IQGAP2: variants seen among roughly 807,000 people sequenced by gnomAD.
The protein encoded by IQGAP2 is IQ motif containing GTPase activating protein 2.
Under a neutral mutation model 201.3 loss-of-function variants are expected in IQGAP2, and 173 were observed. That is an observed-to-expected ratio of 0.86 (90% CI 0.76 to 0.98). The LOEUF is 0.98. IQGAP2 is among the 50% of genes least tolerant of loss of function. The pLI is 0.00. For missense variants in IQGAP2, 1,687 were observed against 1,864.8 expected, an observed-to-expected ratio of 0.90 and a Z score of 1.76; for synonymous variants, 675 against 673.9, an observed-to-expected ratio of 1.00 and a Z score of -0.03.
At chr5:76,559,518 C>T (rs1477589590) in intron 2 of IQGAP2, among the ~76,000 whole-genome samples, 1 of 152,194 alleles carries the variant, frequency 6.6e-6, no homozygotes, top group African/African-American at 2.4e-5. Context: ...GAAGGCCCAG[C>T]TTCATTGCTC....
chr5:76,648,866 A>G (rs1002290336), intron 17 of IQGAP2, among the ~76,000 whole-genome samples: 13 of 152,234 alleles, frequency 8.5e-5, no homozygotes, highest in African/African-American at 3.1e-4. Flanking sequence ...AACAACAAAG[A>G]AAAAGCAGAC....
intron 2 of IQGAP2, among the ~76,000 whole-genome samples, chr5:76,497,981 C>T (rs1330707104): frequency 1.3e-5 from 2 of 152,136 alleles, no homozygotes; most frequent in African/African-American, 4.8e-5. Context: ...ATTCCATGTA[C>T]TCAGCATATC....
intron 2 of IQGAP2, among the ~76,000 whole-genome samples, chr5:76,551,049 C>T (rs1406167514): frequency 2.0e-5 from 3 of 149,560 alleles, no homozygotes; most frequent in African/African-American, 7.4e-5. Flanking sequence ...ACTTCCCGGA[C>T]GGGGTGGCTG....
At chr5:76,686,951 A>G (rs1204763878) in intron 30 of IQGAP2, among the ~76,000 whole-genome samples, 3 of 152,206 alleles carry the variant, frequency 2.0e-5, no homozygotes, top group Non-Finnish European at 4.4e-5. Context: ...CTGGATTTTC[A>G]ATTCTACTCC....
intron 2 of IQGAP2, among the ~76,000 whole-genome samples, chr5:76,489,539 G>T (rs1336699438): frequency 6.6e-6 from 1 of 152,000 alleles, no homozygotes; most frequent in African/African-American, 2.4e-5. Flanking sequence ...TCGGCTCATT[G>T]CAACCTCCGC....
chr5:76,518,789 T>C (rs574393480), intron 2 of IQGAP2, among the ~76,000 whole-genome samples: 1 of 152,128 alleles, frequency 6.6e-6, no homozygotes, highest in Non-Finnish European at 1.5e-5. Flanking sequence ...AGGAGAAAAA[T>C]TAAAGTTCTT....
At chr5:76,446,558 T>TAC (rs1753403155) in intron 1 of IQGAP2, among the ~76,000 whole-genome samples, 1 of 152,180 alleles carries the variant, frequency 6.6e-6, no homozygotes, top group Non-Finnish European at 1.5e-5. Flanking sequence ...CTTCTGTGTT[T>TAC]CTAGAACCCT....
intron 2 of IQGAP2, among the ~76,000 whole-genome samples, chr5:76,469,549 A>G (rs1249419776): frequency 6.6e-6 from 1 of 151,950 alleles, no homozygotes; most frequent in Non-Finnish European, 1.5e-5. Flanking sequence ...GGATTACAGA[A>G]GTATGCCACC....
At position 76,525,796 on chromosome 5, in the gene IQGAP2, TAAC is replaced by T. The variant is rs551129099; in HGVS notation, c.147-36597_147-36595del. On this transcript the variant is annotated intron_variant, in intron 2 of 35. Transcript: ENST00000274364. Reference sequence around the variant, plus strand: ...TGTGCTTTTTTACTAACACACAAAATAACAAGTTCTAGTTGTGGGACCTAATGA... The same window carrying T: ...TGTGCTTTTTTACTAACACACAAAATAAGTTCTAGTTGTGGGACCTAATGA... Among the ~76,000 whole-genome samples the T allele has an allele frequency of 2.3e-3, 356 of 152,304 alleles. 2 individuals are homozygous for T. The highest frequency in any genetic ancestry group is 7.7e-3 in the African/African-American group (322 of 41,574).
At chr5:76,513,235 A>G (rs1465400639) in intron 2 of IQGAP2, among the ~76,000 whole-genome samples, 1 of 152,192 alleles carries the variant, frequency 6.6e-6, no homozygotes, top group Non-Finnish European at 1.5e-5. Context: ...TAGGCATATT[A>G]TCACAGTCAG....
chr5:76,586,381 A>G (rs1036370891), intron 5 of IQGAP2, among the ~76,000 whole-genome samples: 3 of 152,118 alleles, frequency 2.0e-5, no homozygotes, highest in African/African-American at 4.8e-5. Flanking sequence ...GTCCTTTGCT[A>G]TGGTTTTAAA....
chr5:76,425,174 A>AC (rs1751926933), intron 1 of IQGAP2, among the ~76,000 whole-genome samples: 1 of 152,036 alleles, frequency 6.6e-6, no homozygotes, highest in African/African-American at 2.4e-5. Flanking sequence ...CCATCTGGAG[A>AC]CTATGCTAGC....
chr5:76,612,076 G>A (rs1436142345), intron 13 of IQGAP2, among the ~76,000 whole-genome samples: 1 of 152,180 alleles, frequency 6.6e-6, no homozygotes, highest in Non-Finnish European at 1.5e-5. Flanking sequence ...ATACTCATGT[G>A]TATCATCTCA....
At chr5:76,551,875 G>GGGGGAGGGGGAGGGGAGGGGGA (rs1294678167) in intron 2 of IQGAP2, among the ~76,000 whole-genome samples, 2 of 145,220 alleles carry the variant, frequency 1.4e-5, no homozygotes, top group Admixed American at 6.8e-5. Flanking sequence ...GAGACGGAGA[G>GGGGGAGGGGGAGGGGAGGGGGA]GGGGAGGGGG....
At chr5:76,496,904 A>G (rs961546750) in intron 2 of IQGAP2, among the ~76,000 whole-genome samples, 12 of 151,536 alleles carry the variant, frequency 7.9e-5, no homozygotes, top group African/African-American at 2.9e-4. Context: ...ATCTCAGCTC[A>G]CTGCAACCTC....
chr5:76,489,579 G>A lies in IQGAP2; in HGVS notation c.146+27910G>A, dbSNP rs1444865656. On this transcript the variant is annotated intron_variant, in intron 2 of 35. Coordinates refer to ENST00000274364, the MANE Select transcript of IQGAP2 (RefSeq NM_006633.5). ...CAGGTTCAAGCAATTCTTGTGCCTC[G>A]GCCTCCCAAGTAGCTGGGGCTACAG... Among the ~76,000 whole-genome samples the A allele has an allele frequency of 5.9e-5, 9 of 151,888 alleles. No individual in the cohort carries two copies. The East Asian group carries it at 1.4e-3, about 23-fold the overall frequency.
chr5:76,481,748 T>A (rs1197296315), intron 2 of IQGAP2, among the ~76,000 whole-genome samples: 3 of 152,198 alleles, frequency 2.0e-5, no homozygotes, highest in Non-Finnish European at 4.4e-5. Flanking sequence ...CTTTACTAAC[T>A]GATGTGTATT....
Position 76,403,609 on chromosome 5 carries a change from G to A in IQGAP2, c.46+18G>A. The A allele has an allele frequency of 6.6e-7, 1 of 1,523,002 alleles. No individual in the cohort carries two copies. Among genetic ancestry groups the A allele is most frequent in the Middle Eastern group, 1.8e-4 (1 of 5,596 alleles). The allele number at this position is 1,523,002 out of a possible 1,614,324, so 94.3% of individuals were successfully genotyped here. ...CTATGGCTGTAAGTGCGCCGGGCGC[G>A]CGGGGTTCCTGCTGGCCTTGGGGAG... On this transcript the variant is annotated intron_variant, in intron 1 of 35. Coordinates refer to ENST00000274364, the MANE Select transcript of IQGAP2 (RefSeq NM_006633.5). This position sits in a 1 kb window ranked among gnomAD's most constrained non-coding sequence, Gnocchi z 4.8.
chr5:76,496,761 C>CTTTCTTTCTTTCTTTCTTTCTTTCTTTCT (rs1756984330), intron 2 of IQGAP2, among the ~76,000 whole-genome samples: 1 of 89,048 alleles, frequency 1.1e-5, no homozygotes, highest in Non-Finnish European at 2.1e-5. Flanking sequence ...TTCTTTCTTT[C>CTTTCTTTCTTTCTTTCTTTCTTTCTTTCT]TTTCTTTCTT....
Sources: allele counts gnomAD v4.1 joint callset (sites outside exome capture counted in the v4.1 genomes callset), GRCh38; gene constraint gnomAD v4.1.1; non-coding constraint Gnocchi (gnomAD v3.1); transcripts MANE v1.5; gene names NCBI Gene and HGNC (gene_info 2026-07-23, HGNC 2026-07-21).